Variants in KAZN observed in about 807,000 individuals in gnomAD.
KAZN encodes the protein kazrin, periplakin interacting protein, also known as kazrin.
In KAZN, 40 loss-of-function variants were observed where a neutral mutation model predicts 87.4. The ratio of observed to expected loss-of-function variants is 0.46; its 90% CI spans 0.36 to 0.60. The LOEUF is 0.60. Ranked by LOEUF, KAZN falls within the 20% of genes least tolerant of loss-of-function variation. KAZN has a pLI of 0.00. For synonymous variants in KAZN, 466 were observed against 458.3 expected (o/e 1.02, Z -0.22); for missense variants, 898 against 1,073.9 (o/e 0.84, Z 2.29).
chr1:14,216,246 T>C (rs1396404680), intron 2 of KAZN, among the ~76,000 whole-genome samples: 1 of 152,184 alleles, frequency 6.6e-6, no homozygotes, highest in Non-Finnish European at 1.5e-5. Context: ...ATGTCCAACA[T>C]GTACTCAATG....
intron 1 of KAZN, among the ~76,000 whole-genome samples, chr1:14,733,525 A>G (rs940721733): frequency 2.0e-5 from 3 of 152,128 alleles, no homozygotes; most frequent in Non-Finnish European, 4.4e-5. Flanking sequence ...GAGCCTTCAG[A>G]GTCGGGCAGA....
intron 2 of KAZN, among the ~76,000 whole-genome samples, chr1:14,312,232 C>CA (rs1419523463): frequency 6.6e-6 from 1 of 152,302 alleles, no homozygotes; most frequent in East Asian, 1.9e-4. Flanking sequence ...CTAAATATCT[C>CA]AGAGTCTTCA....
At chr1:14,733,847 G>C (rs962156127) in intron 1 of KAZN, among the ~76,000 whole-genome samples, 1 of 152,150 alleles carries the variant, frequency 6.6e-6, no homozygotes, top group Non-Finnish European at 1.5e-5. Flanking sequence ...TCTGGGGTTT[G>C]GCCCCCCGAT....
At chr1:14,263,612 C>T (rs1651247393) in intron 2 of KAZN, among the ~76,000 whole-genome samples, 1 of 152,026 alleles carries the variant, frequency 6.6e-6, no homozygotes, top group African/African-American at 2.4e-5. Context: ...ATAGAGATTG[C>T]TGCTAAAGGG....
intron 2 of KAZN, among the ~76,000 whole-genome samples, chr1:14,261,903 G>A (rs900394654): frequency 3.3e-5 from 5 of 152,152 alleles, no homozygotes; most frequent in Admixed American, 1.3e-4. Context: ...GGTCATCCGA[G>A]ACCCACTTTA....
chr1:13,894,466 G>A (rs1328744851), intron 1 of KAZN, among the ~76,000 whole-genome samples: 1 of 152,138 alleles, frequency 6.6e-6, no homozygotes, highest in African/African-American at 2.4e-5. Flanking sequence ...CTCACAAGTG[G>A]TGCTTAAGAC....
intron 1 of KAZN, among the ~76,000 whole-genome samples, chr1:14,732,378 C>T (rs941157391): frequency 1.3e-5 from 2 of 152,202 alleles, no homozygotes; most frequent in Non-Finnish European, 2.9e-5. Context: ...ATGGCTCATG[C>T]CTGTAATCCC....
In KAZN at chr1:14,184,205, C is replaced by A. The variant is rs1301089458; in HGVS notation, c.249+3613C>A. On this transcript the variant is annotated intron_variant, in intron 2 of 16. Coordinates refer to the KAZN transcript ENST00000636203. The surrounding 1 kb of genome is among the most constrained non-coding windows in gnomAD (Gnocchi z 4.2). ...CTGCCCTTGTCTCCTCTTCCCTTTT[C>A]TTTTTGCTTTTCTTTGTCTTCTCCC... is the stretch of plus-strand genomic sequence containing the variant. 1.3e-5 allele frequency among the ~76,000 whole-genome samples: 2 copies of A among 152,100 alleles called. No individual in the cohort carries two copies. Among genetic ancestry groups the A allele is most frequent in the African/African-American group, 4.8e-5 (2 of 41,422 alleles).
Position 14,820,992 on chromosome 1 carries a change from C to T in KAZN, c.227-139692C>T, listed in dbSNP as rs1646722882. ...TTCTGTGATGGATTGTCGGGAGAAA[C>T]GGGAGCGTGTGAGGAATTGAAAAGG... On this transcript the variant is annotated intron_variant, in intron 1 of 14. Transcript: ENST00000376030. This position sits in a 1 kb window ranked among gnomAD's most constrained non-coding sequence, Gnocchi z 4.1. 6.6e-6 allele frequency among the ~76,000 whole-genome samples: 1 copy of T among 152,068 alleles called. No homozygotes were observed.
chr1:14,743,850 T>C (rs537020702), intron 1 of KAZN, among the ~76,000 whole-genome samples: 6 of 152,028 alleles, frequency 3.9e-5, no homozygotes, highest in Non-Finnish European at 8.8e-5. Flanking sequence ...GGCCAAGAGA[T>C]TGGAAAATGC....
At chr1:15,095,182 C>T (rs970055773) in intron 10 of KAZN, among the ~76,000 whole-genome samples, 1 of 152,194 alleles carries the variant, frequency 6.6e-6, no homozygotes, top group Non-Finnish European at 1.5e-5. Context: ...GGCCCTAGTA[C>T]ACCCCCAACC....
chr1:14,257,508 C>T (rs1331364076), intron 2 of KAZN, among the ~76,000 whole-genome samples: 1 of 145,980 alleles, frequency 6.9e-6, no homozygotes, highest in Non-Finnish European at 1.5e-5. Flanking sequence ...TCTTTTGTTG[C>T]CATTGCTTTT....
chr1:15,009,681 G>A (rs1231097406), intron 2 of KAZN, among the ~76,000 whole-genome samples: 2 of 152,138 alleles, frequency 1.3e-5, no homozygotes, highest in Non-Finnish European at 2.9e-5. Context: ...TGGACCACTG[G>A]GCAGAGGCAT....
intron 1 of KAZN, among the ~76,000 whole-genome samples, chr1:13,954,254 C>CA (rs1379151196): frequency 6.6e-6 from 1 of 152,144 alleles, no homozygotes; most frequent in Non-Finnish European, 1.5e-5. Flanking sequence ...AACAAACAAA[C>CA]AAAAAAACCA....
intron 2 of KAZN, among the ~76,000 whole-genome samples, chr1:14,544,745 A>G (rs1673037088): frequency 6.6e-6 from 1 of 151,918 alleles, no homozygotes; most frequent in African/African-American, 2.4e-5. Flanking sequence ...ATTTAAAAAA[A>G]AAAAAAAAAA....
chr1:15,093,222 A>G (rs953805651), intron 8 of KAZN, among the ~76,000 whole-genome samples: 13 of 152,098 alleles, frequency 8.5e-5, no homozygotes, highest in Non-Finnish European at 1.3e-4. Flanking sequence ...TCACAAATGC[A>G]CACACCTCAA....
chr1:14,362,511 G>A (rs1042231764), intron 2 of KAZN, among the ~76,000 whole-genome samples: 8 of 152,184 alleles, frequency 5.3e-5, no homozygotes, highest in African/African-American at 1.9e-4. Context: ...TATGCTCAAA[G>A]GCAGGGGATC....
intron 2 of KAZN, among the ~76,000 whole-genome samples, chr1:14,249,552 G>T (rs143249189): frequency 1.3e-5 from 2 of 152,278 alleles, no homozygotes; most frequent in Middle Eastern, 3.4e-3. Context: ...GCTTTGCTCC[G>T]TGCTGTCTTC....
chr1:13,981,425 T>C (rs960655450), intron 1 of KAZN, among the ~76,000 whole-genome samples: 7 of 150,352 alleles, frequency 4.7e-5, no homozygotes, highest in Non-Finnish European at 1.0e-4. Flanking sequence ...CATGATGTCA[T>C]TTTAGCTATT....
Sources: allele counts gnomAD v4.1 joint callset (sites outside exome capture counted in the v4.1 genomes callset), GRCh38; gene constraint gnomAD v4.1.1; non-coding constraint Gnocchi (gnomAD v3.1); transcripts MANE v1.5; gene names NCBI Gene and HGNC (gene_info 2026-07-23, HGNC 2026-07-21).